Variants in TNS3 observed in about 807,000 individuals in gnomAD.
The protein encoded by TNS3 is tensin-3.
Under a neutral mutation model 140.9 loss-of-function variants are expected in TNS3, and 45 were observed. The observed-to-expected ratio is 0.32, with a 90% confidence interval of 0.25 to 0.41. The LOEUF (loss-of-function observed/expected upper bound fraction) is 0.41. TNS3 is among the 10% of genes least tolerant of loss of function. TNS3 has a pLI of 1.00. For synonymous variants in TNS3, 815 were observed against 788.4 expected (o/e 1.03, Z -0.56); for missense variants, 1,716 against 1,906.7 (o/e 0.90, Z 1.86).
intron 10 of TNS3, among the ~76,000 whole-genome samples, chr7:47,419,155 T>TA (rs1338803542): frequency 1.3e-5 from 2 of 152,218 alleles, no homozygotes; most frequent in African/African-American, 4.8e-5. Context: ...TGCATGGACA[T>TA]AAGGGTCAGA....
intron 20 of TNS3, among the ~76,000 whole-genome samples, chr7:47,320,410 G>A (rs934995658): frequency 5.9e-5 from 9 of 152,310 alleles, no homozygotes; most frequent in South Asian, 4.1e-4. Context: ...GGTATTCCAC[G>A]AGTTGGGAGT....
chr7:47,322,358 C>A (rs1032821295), intron 20 of TNS3, among the ~76,000 whole-genome samples: 3 of 151,912 alleles, frequency 2.0e-5, no homozygotes, highest in African/African-American at 4.8e-5. Flanking sequence ...CCCGTCTCTA[C>A]TAAAAATACA....
At chr7:47,332,820 C>T (rs1203109184) in intron 20 of TNS3, among the ~76,000 whole-genome samples, 6 of 152,272 alleles carry the variant, frequency 3.9e-5, no homozygotes, top group East Asian at 1.9e-4. Context: ...GAGCTACAGA[C>T]GGGCAGGACC....
intron 1 of TNS3, among the ~76,000 whole-genome samples, chr7:47,566,901 C>T (rs1393531973): frequency 1.3e-5 from 2 of 151,796 alleles, no homozygotes; most frequent in Admixed American, 6.6e-5. Flanking sequence ...ATCAGCTGGA[C>T]GTGGTGGGTG....
chr7:47,574,842 G>C (rs2152023389), intron 1 of TNS3, among the ~76,000 whole-genome samples: 1 of 152,278 alleles, frequency 6.6e-6, no homozygotes, highest in Middle Eastern at 3.4e-3. Flanking sequence ...AATGGTGGTT[G>C]CCAGGGACTG....
At chr7:47,309,076 C>T (rs1265871260) in intron 20 of TNS3, among the ~76,000 whole-genome samples, 4 of 152,172 alleles carry the variant, frequency 2.6e-5, no homozygotes, top group Non-Finnish European at 5.9e-5. Flanking sequence ...TTTGTCTAGG[C>T]GGTAAACTGG....
At chr7:47,554,896 T>C (rs932111254) in intron 1 of TNS3, among the ~76,000 whole-genome samples, 2 of 151,616 alleles carry the variant, frequency 1.3e-5, no homozygotes, top group Non-Finnish European at 2.9e-5. Flanking sequence ...GGCATGGTAG[T>C]GTGCGCCTGT....
intron 3 of TNS3, among the ~76,000 whole-genome samples, chr7:47,486,662 T>A (rs963884883): frequency 6.6e-6 from 1 of 152,168 alleles, no homozygotes; most frequent in Non-Finnish European, 1.5e-5. Context: ...TTCTGGGAGA[T>A]CCAAGTCCTG....
At chr7:47,468,909 C>G (rs1352969491) in intron 4 of TNS3, among the ~76,000 whole-genome samples, 1 of 152,126 alleles carries the variant, frequency 6.6e-6, no homozygotes, top group Non-Finnish European at 1.5e-5. Flanking sequence ...TCCAACTGAA[C>G]AGAACAGAAA....
chr7:47,506,225 C>A (rs1798413396), intron 3 of TNS3, among the ~76,000 whole-genome samples: 1 of 152,142 alleles, frequency 6.6e-6, no homozygotes, highest in African/African-American at 2.4e-5. Flanking sequence ...CAGCCACCAT[C>A]CCCAGGAGAT....
chr7:47,420,875 C>T (rs533979704), intron 10 of TNS3, among the ~76,000 whole-genome samples: 1 of 152,320 alleles, frequency 6.6e-6, no homozygotes, highest in East Asian at 1.9e-4. Context: ...GCTGGTAACT[C>T]GGATACCTTC....
At chr7:47,575,270 C>T (rs1299348543) in intron 1 of TNS3, among the ~76,000 whole-genome samples, 2 of 152,110 alleles carry the variant, frequency 1.3e-5, no homozygotes, top group Non-Finnish European at 2.9e-5. Context: ...TTGGGAAATG[C>T]TTATACTGCC....
chr7:47,302,404 A>C, intron 22 of TNS3, 132 bp from the exon 23 acceptor site: 1 of 692,268 alleles, frequency 1.4e-6, no homozygotes, highest in East Asian at 2.7e-5. Context: ...AAGGAAAGGG[A>C]ACCCTGCCTT....
chr7:47,574,474 G>T (rs1800626601), intron 1 of TNS3, among the ~76,000 whole-genome samples: 1 of 151,844 alleles, frequency 6.6e-6, no homozygotes. Flanking sequence ...ATACTAAGGA[G>T]TTCCAAAAAG....
chr7:47,293,679 G>C, intron 25 of TNS3, 54 bp downstream of exon 25: 1 of 1,512,966 alleles, frequency 6.6e-7, no homozygotes, highest in Non-Finnish European at 9.2e-7. Context: ...TGAGCAGAGG[G>C]AATCCAGGCC....
rs536647697 is a variant in TNS3, at chr7:47,337,913, T to C, written c.2650+6842A>G. Among the ~76,000 whole-genome samples, 4 of 152,380 alleles carry C rather than the reference T, an allele frequency of 2.6e-5. No individual in the cohort carries two copies. The South Asian group carries it at 8.3e-4, about 32-fold the overall frequency. ...TTAGCAGACATGAATCTCTTCTCTG[T>C]GTCTACAATTTTGCCATGTAAAAAG... is the stretch of plus-strand genomic sequence containing the variant. On this transcript the variant is annotated intron_variant, in intron 20 of 30. Coordinates refer to ENST00000311160, the MANE Select transcript of TNS3 (RefSeq NM_022748.12).
chr7:47,569,833 G>A (rs1356926010), intron 1 of TNS3, among the ~76,000 whole-genome samples: 1 of 151,066 alleles, frequency 6.6e-6, no homozygotes, highest in Non-Finnish European at 1.5e-5. Context: ...CAGCCTGGGT[G>A]ACAGAACAAG....
intron 13 of TNS3, chr7:47,403,125 G>A (rs1330321910): frequency 6.6e-6 from 1 of 152,414 alleles, no homozygotes; most frequent in Non-Finnish European, 1.5e-5. Flanking sequence ...GCCCCGCCCA[G>A]CGCAGGGCCT....
rs1268132941 is a variant in TNS3, at chr7:47,368,351, G to A, written c.2281+14C>T. On this transcript the variant is annotated intron_variant, in intron 17 of 30. Coordinates refer to ENST00000311160, the MANE Select transcript of TNS3 (RefSeq NM_022748.12). ...CACCTCCCGTGGAGCACCTCCCATG[G>A]AGACCCAGCTCACCTTGCCGCCCGG... 1 of 1,471,630 alleles carries A rather than the reference G, an allele frequency of 6.8e-7. No individual in the cohort carries two copies. The highest frequency in any genetic ancestry group is 1.5e-5 in the South Asian group (1 of 67,492). The allele number at this position is 1,471,630 out of a possible 1,614,324, so 91.2% of individuals were successfully genotyped here.
Sources: allele counts gnomAD v4.1 joint callset (sites outside exome capture counted in the v4.1 genomes callset), GRCh38; gene constraint gnomAD v4.1.1; transcripts MANE v1.5; gene names NCBI Gene and HGNC (gene_info 2026-07-23, HGNC 2026-07-21).